The following OR10J1 variants were observed in gnomAD, a reference collection of about 807,000 sequenced individuals.
OR10J1 encodes olfactory receptor family 10 subfamily J member 1, also known as olfactory receptor 10J1.
For synonymous variants in OR10J1, 202 were observed against 143.8 expected (o/e 1.40, Z -2.89); for missense variants, 474 against 376.6 (o/e 1.26, Z -2.14).
chr1:159,423,408 T>C, the OR10J1 span, among the ~76,000 whole-genome samples: 2 of 152,176 alleles, frequency 1.3e-5, no homozygotes, highest in African/African-American at 2.4e-5. Flanking sequence ...TCAAAGATAT[T>C]TGTATAGGGA....
chr1:159,431,681 TAC>T, the OR10J1 span, among the ~76,000 whole-genome samples: 1 of 152,218 alleles, frequency 6.6e-6, no homozygotes, highest in African/African-American at 2.4e-5. Context: ...GAAGAATTTA[TAC>T]TTCAAGTACC....
upstream of OR10J1, among the ~76,000 whole-genome samples, chr1:159,439,150 C>T (rs1655827529): frequency 6.6e-6 from 1 of 152,118 alleles, no homozygotes; most frequent in Non-Finnish European, 1.5e-5. Context: ...CCTTTTTCTT[C>T]TTGAAGACAA....
chr1:159,414,821 CTGA>C, the OR10J1 span, among the ~76,000 whole-genome samples: 2 of 151,978 alleles, frequency 1.3e-5, no homozygotes, highest in Non-Finnish European at 2.9e-5. Context: ...TTGAATTTCC[CTGA>C]TGATTAGTGA....
the OR10J1 span, among the ~76,000 whole-genome samples, chr1:159,419,865 A>G: frequency 1.3e-5 from 2 of 152,288 alleles, no homozygotes; most frequent in South Asian, 4.1e-4. Flanking sequence ...TGCAACTTAA[A>G]TTCATTTTTT....
upstream of OR10J1, among the ~76,000 whole-genome samples, chr1:159,439,218 T>C (rs1222987253): frequency 1.3e-5 from 2 of 152,236 alleles, no homozygotes; most frequent in Admixed American, 1.3e-4. Context: ...GGATGATTCA[T>C]AGTCTTGAAA....
chr1:159,402,485 A>T, the OR10J1 span, among the ~76,000 whole-genome samples: 3 of 152,090 alleles, frequency 2.0e-5, no homozygotes, highest in East Asian at 3.9e-4. Flanking sequence ...TGAAAAACAA[A>T]TTTTTTAAAA....
the OR10J1 span, among the ~76,000 whole-genome samples, chr1:159,417,857 G>T: frequency 6.6e-6 from 1 of 152,178 alleles, no homozygotes; most frequent in Non-Finnish European, 1.5e-5. Context: ...TTCTTATAAT[G>T]ATATGGACAA....
At chr1:159,414,332 G>A in the OR10J1 span, among the ~76,000 whole-genome samples, 2 of 151,994 alleles carry the variant, frequency 1.3e-5, no homozygotes, top group Non-Finnish European at 2.9e-5. Flanking sequence ...CCACATATGA[G>A]AGAGGACATG....
chr1:159,406,580 A>G, the OR10J1 span, among the ~76,000 whole-genome samples: 1 of 152,098 alleles, frequency 6.6e-6, no homozygotes, highest in African/African-American at 2.4e-5. Flanking sequence ...CTACTGGATT[A>G]AGGGCAGAGA....
the OR10J1 span, among the ~76,000 whole-genome samples, chr1:159,413,227 T>C: frequency 2.0e-5 from 3 of 152,116 alleles, no homozygotes; most frequent in African/African-American, 7.2e-5. Context: ...AGGAACACTT[T>C]TACACTGTTG....
the OR10J1 span, among the ~76,000 whole-genome samples, chr1:159,419,113 C>G: frequency 6.6e-6 from 1 of 152,132 alleles, no homozygotes; most frequent in African/African-American, 2.4e-5. Context: ...TGGCTTGGCT[C>G]AGATGAGATT....
chr1:159,418,899 C>T, the OR10J1 span, among the ~76,000 whole-genome samples: 1 of 152,214 alleles, frequency 6.6e-6, no homozygotes, highest in East Asian at 1.9e-4. Context: ...GGATGTGAGA[C>T]ATTGAGTCAA....
At chr1:159,437,064 G>A (rs76110603), upstream of OR10J1, among the ~76,000 whole-genome samples, 3,993 of 152,252 alleles carry the variant, frequency 0.026, 174 homozygotes, top group African/African-American at 0.091. Context: ...GAAAGACTAA[G>A]AAATTTTTAA....
At chr1:159,412,743 A>C in the OR10J1 span, among the ~76,000 whole-genome samples, 1 of 151,892 alleles carries the variant, frequency 6.6e-6, no homozygotes, top group Non-Finnish European at 1.5e-5. Flanking sequence ...CCTAGAAGAA[A>C]ACCTAGGCGT....
upstream of OR10J1, among the ~76,000 whole-genome samples, chr1:159,436,519 T>C (rs1352788060): frequency 6.6e-6 from 1 of 152,126 alleles, no homozygotes; most frequent in African/African-American, 2.4e-5. Flanking sequence ...CTGGTTTTTC[T>C]TCCTCTTTTT....
the OR10J1 span, among the ~76,000 whole-genome samples, chr1:159,412,475 G>T: frequency 1.3e-5 from 2 of 148,288 alleles, no homozygotes; most frequent in African/African-American, 2.5e-5. Context: ...CATGGTACTG[G>T]TACCAAAACA....
chr1:159,400,935 G>T, the OR10J1 span, among the ~76,000 whole-genome samples: 1 of 151,784 alleles, frequency 6.6e-6, no homozygotes, highest in South Asian at 2.1e-4. Flanking sequence ...TGGCCAAAAG[G>T]GGATGAAACT....
At chr1:159,436,910 G>A (rs892036907), upstream of OR10J1, among the ~76,000 whole-genome samples, 2 of 152,240 alleles carry the variant, frequency 1.3e-5, no homozygotes, top group Admixed American at 6.5e-5. Flanking sequence ...TATTATGATT[G>A]TCTATCACCT....
chr1:159,423,531 C>T, the OR10J1 span, among the ~76,000 whole-genome samples: 3 of 152,196 alleles, frequency 2.0e-5, no homozygotes, highest in Admixed American at 2.0e-4. Context: ...TTGCACATTT[C>T]TAATATAACT....
Sources: gnomAD v4.1 joint callset for allele counts (sites outside exome capture counted in the v4.1 genomes callset) on GRCh38, gnomAD v4.1.1 for gene constraint, MANE v1.5 for transcripts, NCBI Gene and HGNC (gene_info 2026-07-23, HGNC 2026-07-21) for gene names.